EPHA5: variants seen among roughly 807,000 people sequenced by gnomAD.
The protein encoded by EPHA5 is EPH receptor A5, also known as ephrin type-A receptor 5.
A neutral mutation model predicts 105.0 loss-of-function variants in EPHA5; 60 were observed. The observed-to-expected ratio is 0.57, with a 90% CI of 0.46 to 0.71. The LOEUF (loss-of-function observed/expected upper bound fraction) is 0.71, where lower values mean the gene tolerates loss of function less well. EPHA5 is among the 30% of genes least tolerant of loss of function. The pLI is 0.00. For synonymous variants in EPHA5, 513 were observed against 449.1 expected (o/e 1.14, Z -1.80); for missense variants, 1,218 against 1,274.7 (o/e 0.96, Z 0.68).
chr4:65,641,319 A>G (rs1747645072), intron 2 of EPHA5, among the ~76,000 whole-genome samples: 1 of 152,178 alleles, frequency 6.6e-6, no homozygotes, highest in African/African-American at 2.4e-5. Context: ...TTAAATAAGC[A>G]TGCCCTATAT....
At chr4:65,535,111 T>C (rs1736169553) in intron 3 of EPHA5, among the ~76,000 whole-genome samples, 1 of 152,218 alleles carries the variant, frequency 6.6e-6, no homozygotes, top group South Asian at 2.1e-4. Flanking sequence ...ATCACACTAG[T>C]AAGTATGAAT....
rs542961797 is a variant in EPHA5, at chr4:65,612,470, G to A, written c.247-10166C>T. ...GTTTCACTTATGATAATGGCCTCTA[G>A]TCCCATTCATGTTTCTGCAAAAGAC... On this transcript the variant is annotated intron_variant, in intron 2 of 16. Transcript: ENST00000613740. Among the ~76,000 whole-genome samples the A allele has an allele frequency of 1.1e-4, 17 of 152,152 alleles. No individual in the cohort carries two copies. In the South Asian group the frequency reaches 3.1e-3, roughly 28 times the overall value.
At chr4:65,379,267 G>A (rs1005628517) in intron 8 of EPHA5, among the ~76,000 whole-genome samples, 1 of 113,688 alleles carries the variant, frequency 8.8e-6, no homozygotes, top group East Asian at 3.5e-4. Flanking sequence ...TTATGAATAA[G>A]TATGCACATA....
intron 2 of EPHA5, among the ~76,000 whole-genome samples, chr4:65,605,552 G>A (rs1744145882): frequency 6.6e-6 from 1 of 152,134 alleles, no homozygotes; most frequent in South Asian, 2.1e-4. Context: ...TTCACAGTAG[G>A]AAGCATCATG....
chr4:65,647,351 A>G (rs1447900125), intron 1 of EPHA5, among the ~76,000 whole-genome samples: 2 of 146,502 alleles, frequency 1.4e-5, no homozygotes, highest in African/African-American at 5.0e-5. Context: ...AAAAAAAAAA[A>G]AGAAGTTTAG....
chr4:65,661,514 C>T (rs1749556797), intron 1 of EPHA5, among the ~76,000 whole-genome samples: 1 of 152,084 alleles, frequency 6.6e-6, no homozygotes, highest in Admixed American at 6.6e-5. Flanking sequence ...GGCTGTATCC[C>T]CCTTCTTAGG....
At chr4:65,399,987 A>C (rs181841130) in intron 8 of EPHA5, among the ~76,000 whole-genome samples, 1 of 152,336 alleles carries the variant, frequency 6.6e-6, no homozygotes, top group Non-Finnish European at 1.5e-5. Context: ...TAATTTTCAG[A>C]ATTTACACTG....
chr4:65,562,903 G>A (rs1739164908), intron 3 of EPHA5, among the ~76,000 whole-genome samples: 1 of 151,860 alleles, frequency 6.6e-6, no homozygotes, highest in African/African-American at 2.4e-5. Context: ...CTAGAAACCA[G>A]GAGTTCAAGG....
At chr4:65,345,230 C>T (rs9995194) in intron 14 of EPHA5, among the ~76,000 whole-genome samples, 1,633 of 152,222 alleles carry the variant, frequency 0.011, 28 homozygotes, top group African/African-American at 0.037. Context: ...TGCTCCCCTC[C>T]CCAAGCCAAG....
intron 11 of EPHA5, among the ~76,000 whole-genome samples, chr4:65,359,530 A>G (rs951257286): frequency 6.6e-6 from 1 of 151,540 alleles, no homozygotes; most frequent in African/African-American, 2.4e-5. Context: ...GTTCCTCATA[A>G]GCTTTTCTCC....
chr4:65,345,293 G>C (rs756471432), intron 14 of EPHA5, among the ~76,000 whole-genome samples: 1 of 152,202 alleles, frequency 6.6e-6, no homozygotes, highest in African/African-American at 2.4e-5. Context: ...ACTACAAGAA[G>C]GGGAGACTCA....
intron 3 of EPHA5, among the ~76,000 whole-genome samples, chr4:65,528,007 T>G (rs1578342018): frequency 6.6e-6 from 1 of 152,118 alleles, no homozygotes; most frequent in East Asian, 1.9e-4. Context: ...AAATGAATAT[T>G]TAAGAGTTTA....
At chr4:65,395,996 G>T (rs1323833486) in intron 8 of EPHA5, among the ~76,000 whole-genome samples, 1 of 152,150 alleles carries the variant, frequency 6.6e-6, no homozygotes, top group Non-Finnish European at 1.5e-5. Flanking sequence ...GGCAGGGCAG[G>T]AGCCCTGCTC....
At chr4:65,439,821 G>A (rs572186260) in intron 5 of EPHA5, among the ~76,000 whole-genome samples, 5 of 152,114 alleles carry the variant, frequency 3.3e-5, no homozygotes, top group South Asian at 2.1e-4. Flanking sequence ...AAGGAAAGCC[G>A]AATGCTTAGG....
intron 13 of EPHA5, among the ~76,000 whole-genome samples, chr4:65,349,508 T>C (rs1232424217): frequency 1.3e-5 from 2 of 152,156 alleles, no homozygotes; most frequent in Non-Finnish European, 2.9e-5. Context: ...GTTTCCAATA[T>C]TTTCTTGTAA....
rs1729897098 is a variant in EPHA5, at chr4:65,477,111, C to A, written c.1402+13266G>T. On this transcript the variant is annotated intron_variant, in intron 5 of 16. Coordinates refer to ENST00000613740, the MANE Select transcript of EPHA5 (RefSeq NM_001281766.3). ...TAAGAAAAGATTCCAGAAAAATAGACAACAGAACAAATTGTTATAGCACCT... is the reference window on the plus strand; with the variant it reads ...TAAGAAAAGATTCCAGAAAAATAGAAAACAGAACAAATTGTTATAGCACCT... Among the ~76,000 whole-genome samples, 5 of 152,190 alleles carry A rather than the reference C, an allele frequency of 3.3e-5. No individual in the cohort carries two copies. The South Asian group carries it at 8.3e-4, about 25-fold the overall frequency.
intron 8 of EPHA5, among the ~76,000 whole-genome samples, chr4:65,389,393 C>T (rs1720476170): frequency 6.6e-6 from 1 of 151,894 alleles, no homozygotes; most frequent in Admixed American, 6.6e-5. Flanking sequence ...TCTGAAGATT[C>T]AACTCTTTTC....
intron 4 of EPHA5, among the ~76,000 whole-genome samples, chr4:65,494,583 T>C (rs182793228): frequency 2.2e-4 from 34 of 152,306 alleles, no homozygotes; most frequent in Non-Finnish European, 3.7e-4. Context: ...CTCAGAAATA[T>C]ATGGAAAACC....
chr4:65,466,371 A>G lies in EPHA5; in HGVS notation c.1402+24006T>C, dbSNP rs1157120060. 2.6e-5 allele frequency among the ~76,000 whole-genome samples: 4 copies of G among 152,218 alleles called. No homozygotes were observed. The East Asian group carries it at 7.7e-4, about 29-fold the overall frequency. On this transcript the variant is annotated intron_variant, in intron 5 of 16. Transcript: ENST00000613740. Reference sequence around the variant, plus strand: ...GTACCTGGTAAAGTGAGTGAGTGAGAAAGCATTGGGAGACGAGGTCAGTCA... The same window carrying G: ...GTACCTGGTAAAGTGAGTGAGTGAGGAAGCATTGGGAGACGAGGTCAGTCA...
Sources: gnomAD v4.1 joint callset for allele counts (sites outside exome capture counted in the v4.1 genomes callset) on GRCh38, gnomAD v4.1.1 for gene constraint, MANE v1.5 for transcripts, NCBI Gene and HGNC (gene_info 2026-07-23, HGNC 2026-07-21) for gene names.